The following SPAG16 variants were observed in gnomAD, a reference collection of about 807,000 sequenced individuals.
SPAG16 encodes the protein sperm associated antigen 16.
SPAG16 carries 86 observed loss-of-function variants against 80.4 expected under a neutral mutation model. That is an observed-to-expected ratio of 1.07 (90% confidence interval 0.90 to 1.28). The LOEUF (loss-of-function observed/expected upper bound fraction) is 1.28. Among genes scored for constraint, SPAG16 ranks in the 50% most tolerant of loss-of-function variants. The probability of loss-of-function intolerance (pLI) is 0.00; values close to 1 mark genes in which losing one functional copy is unlikely to be tolerated. For missense variants in SPAG16, 870 were observed against 765.3 expected (o/e 1.14, Z -1.61); for synonymous variants, 294 against 265.9 (o/e 1.11, Z -1.03).
At chr2:214,105,629 G>C (rs966137862) in intron 13 of SPAG16, among the ~76,000 whole-genome samples, 31 of 151,922 alleles carry the variant, frequency 2.0e-4, no homozygotes, top group African/African-American at 7.0e-4. Flanking sequence ...ATGCATATTG[G>C]GTCACATTAT....
intron 10 of SPAG16, among the ~76,000 whole-genome samples, chr2:213,588,357 C>T (rs2060541114): frequency 6.6e-6 from 1 of 151,688 alleles, no homozygotes; most frequent in South Asian, 2.1e-4. Context: ...TGGACCATTA[C>T]AATGAGGGTC....
intron 5 of SPAG16, among the ~76,000 whole-genome samples, chr2:213,333,525 A>C (rs1289558535): frequency 6.6e-6 from 1 of 152,222 alleles, no homozygotes; most frequent in Non-Finnish European, 1.5e-5. Flanking sequence ...GTAGAATCAC[A>C]AAAGATCCAG....
At chr2:213,952,891 A>G (rs1219685595) in intron 12 of SPAG16, among the ~76,000 whole-genome samples, 1 of 152,108 alleles carries the variant, frequency 6.6e-6, no homozygotes, top group Non-Finnish European at 1.5e-5. Context: ...TCTTATGTGT[A>G]AGTAGAATTT....
intron 15 of SPAG16, among the ~76,000 whole-genome samples, chr2:214,396,945 A>C (rs1198615245): frequency 1.3e-5 from 2 of 151,748 alleles, no homozygotes; most frequent in African/African-American, 4.8e-5. Flanking sequence ...AAATACTGGG[A>C]TTTACTAGGA....
At chr2:214,328,426 G>A (rs538222105) in intron 15 of SPAG16, among the ~76,000 whole-genome samples, 29 of 152,260 alleles carry the variant, frequency 1.9e-4, no homozygotes, top group African/African-American at 6.5e-4. Context: ...GCCTCCCAAA[G>A]TGTTGGGATT....
chr2:214,133,786 A>G (rs2054906341), intron 14 of SPAG16, among the ~76,000 whole-genome samples: 1 of 152,194 alleles, frequency 6.6e-6, no homozygotes, highest in Admixed American at 6.5e-5. Flanking sequence ...TTGGAGGCAA[A>G]TTTCAACTGA....
intron 10 of SPAG16, among the ~76,000 whole-genome samples, chr2:213,530,794 A>G (rs1484322657): frequency 1.3e-5 from 2 of 152,064 alleles, no homozygotes; most frequent in Non-Finnish European, 2.9e-5. Flanking sequence ...AGGTCATTAT[A>G]AGTGATACTC....
intron 4 of SPAG16, among the ~76,000 whole-genome samples, chr2:213,314,382 A>T (rs1269143271): frequency 1.4e-5 from 2 of 147,916 alleles, no homozygotes; most frequent in Non-Finnish European, 1.5e-5. Flanking sequence ...ATAAAAAGTC[A>T]GGATATTTGT....
intron 15 of SPAG16, among the ~76,000 whole-genome samples, chr2:214,213,761 A>G (rs2058355351): frequency 6.6e-6 from 1 of 152,196 alleles, no homozygotes; most frequent in African/African-American, 2.4e-5. Flanking sequence ...CAAAAAATCA[A>G]TTCTATCTAC....
chr2:213,545,107 G>A (rs2076571478), intron 10 of SPAG16, among the ~76,000 whole-genome samples: 1 of 152,074 alleles, frequency 6.6e-6, no homozygotes. Context: ...CAGTAATGAA[G>A]TAGAGTTTCT....
At chr2:214,363,490 A>G (rs1699304353) in intron 15 of SPAG16, among the ~76,000 whole-genome samples, 1 of 152,014 alleles carries the variant, frequency 6.6e-6, no homozygotes, top group African/African-American at 2.4e-5. Context: ...GTGGACCCAC[A>G]TTTCCGTTTA....
chr2:213,856,212 T>A (rs908021820), intron 10 of SPAG16, among the ~76,000 whole-genome samples: 2 of 152,132 alleles, frequency 1.3e-5, no homozygotes, highest in African/African-American at 4.8e-5. Context: ...ACGTTAAAAT[T>A]CCAAAATGTT....
At chr2:213,761,930 G>A (rs1019303465) in intron 10 of SPAG16, among the ~76,000 whole-genome samples, 1 of 151,758 alleles carries the variant, frequency 6.6e-6, no homozygotes, top group Non-Finnish European at 1.5e-5. Context: ...TATCTCTTAC[G>A]AATATTGAGG....
Position 213,609,098 on chromosome 2 carries a change from A to C in SPAG16, c.1070+119008A>C, listed in dbSNP as rs118177852. On this transcript the variant is annotated intron_variant, in intron 10 of 15. Coordinates refer to ENST00000331683, the MANE Select transcript of SPAG16 (RefSeq NM_024532.5). The stretch of plus-strand genomic sequence containing the variant: ...AGTCATTTTGCAGAAATTATTGTAA[A>C]ACTGGTTATTCATCTCAGAGACTTG... Among the ~76,000 whole-genome samples the C allele has an allele frequency of 3.0e-3, 458 of 152,356 alleles. 15 individuals are homozygous for C. In the East Asian group the frequency reaches 0.069, roughly 23 times the overall value.
At position 213,387,429 on chromosome 2, in the gene SPAG16, C is replaced by CTTTTTTTTTTTTTTTTTTTTTTT. The variant is rs1491308938; in HGVS notation, c.942+12311_942+12312insTTTTTTTTTTTTTTTTTTTTTTT. Among the ~76,000 whole-genome samples the CTTTTTTTTTTTTTTTTTTTTTTT allele has an allele frequency of 7.0e-5, 5 of 71,760 alleles. 1 individual carries two copies. Among genetic ancestry groups the CTTTTTTTTTTTTTTTTTTTTTTT allele is most frequent in the Admixed American group, 2.2e-4 (1 of 4,628 alleles). The allele number at this position is 71,760 out of a possible 152,430, so 47.1% of individuals were successfully genotyped here. On this transcript the variant is annotated intron_variant, in intron 9 of 15. Coordinates refer to ENST00000331683, the MANE Select transcript of SPAG16 (RefSeq NM_024532.5). ...TTTTTGGGTTGGAATGAAATGCATG[C>CTTTTTTTTTTTTTTTTTTTTTTT]TCTTTTTTTTTTTTTTTTTTTTTTT...
chr2:213,469,120 A>G (rs1294968479), intron 9 of SPAG16, among the ~76,000 whole-genome samples: 3 of 152,120 alleles, frequency 2.0e-5, no homozygotes, highest in African/African-American at 7.2e-5. Context: ...CCTCAATCCA[A>G]TCAAGTTGAC....
chr2:213,778,485 G>T (rs2662639), intron 10 of SPAG16, among the ~76,000 whole-genome samples: 47,517 of 151,734 alleles, frequency 0.31, 7,654 homozygotes, highest in Middle Eastern at 0.38. Context: ...GCTTTATTAC[G>T]GACCATATCA....
At chr2:213,657,289 G>A (rs1241543846) in intron 10 of SPAG16, among the ~76,000 whole-genome samples, 4 of 152,092 alleles carry the variant, frequency 2.6e-5, no homozygotes, top group Non-Finnish European at 2.9e-5. Context: ...CTTCAATGAA[G>A]GCACTTAATC....
At chr2:213,959,808 C>T (rs1339025808) in intron 12 of SPAG16, among the ~76,000 whole-genome samples, 1 of 152,148 alleles carries the variant, frequency 6.6e-6, no homozygotes, top group Non-Finnish European at 1.5e-5. Context: ...TCACCTGACA[C>T]GCACACACAC....
Sources: allele counts gnomAD v4.1 joint callset (sites outside exome capture counted in the v4.1 genomes callset), GRCh38; gene constraint gnomAD v4.1.1; transcripts MANE v1.5; gene names NCBI Gene and HGNC (gene_info 2026-07-23, HGNC 2026-07-21).